PTX3: variants seen among roughly 807,000 people sequenced by gnomAD.
PTX3 encodes the protein pentraxin-related protein PTX3.
A neutral mutation model predicts 23.5 loss-of-function variants in PTX3; 24 were observed. The observed-to-expected ratio is 1.02, with a 90% CI of 0.74 to 1.43. The LOEUF (loss-of-function observed/expected upper bound fraction) is 1.43. PTX3 is among the 40% of genes most tolerant of loss of function. The probability of loss-of-function intolerance (pLI) is 0.00; values close to 1 mark genes in which losing one functional copy is unlikely to be tolerated. For synonymous variants in PTX3, 218 were observed against 205.4 expected (o/e 1.06, Z -0.53); for missense variants, 510 against 497.5 (o/e 1.02, Z -0.24).
rs1733756769 is a variant in PTX3 at position 157,437,847 on chromosome 3, GCTGCGGCAGACGCGAGCCGAC to G, written c.470_490del (p.Arg157_Leu163del). The G allele has an allele frequency of 6.7e-7, 1 of 1,497,400 alleles. No individual in the cohort carries two copies. The highest frequency in any genetic ancestry group is 2.7e-5 in the East Asian group (1 of 36,614). The allele number at this position is 1,497,400 out of a possible 1,614,324, so 92.8% of individuals were successfully genotyped here. On this transcript the variant is annotated inframe_deletion, in exon 2 of 3. Transcript: ENST00000295927. ...GCGCCCTGGCCGCGGTGCTAGAGGA[GCTGCGGCAGACGCGAGCCGAC>G]CTGCACGCGGTGCAGGGCTGGGCTG...
intron 2 of PTX3, among the ~76,000 whole-genome samples, chr3:157,440,653 T>C (rs1362715008): frequency 6.6e-6 from 1 of 152,098 alleles, no homozygotes; most frequent in Non-Finnish European, 1.5e-5. Flanking sequence ...TATCCATATG[T>C]ATATATGTGT....
intron 2 of PTX3, 63 bp downstream of exon 2, chr3:157,437,977 G>C: frequency 6.7e-7 from 1 of 1,498,898 alleles, no homozygotes; most frequent in Non-Finnish European, 8.8e-7. Flanking sequence ...GCGCGTAACG[G>C]CAAGCCAAGC....
intron 2 of PTX3, 145 bp downstream of exon 2, chr3:157,438,059 A>ACC: frequency 1.3e-6 from 1 of 748,642 alleles, no homozygotes; most frequent in Non-Finnish European, 2.1e-6. Flanking sequence ...ACACACACAC[A>ACC]CACACACACA....
intron 2 of PTX3, among the ~76,000 whole-genome samples, chr3:157,441,499 A>G (rs1734109590): frequency 6.6e-6 from 1 of 152,148 alleles, no homozygotes; most frequent in Admixed American, 6.5e-5. Context: ...ATATCTGAGA[A>G]CATTTGGTGT....
chr3:157,439,038 A>G, intron 2 of PTX3, among the ~76,000 whole-genome samples: 1 of 152,356 alleles, frequency 6.6e-6, no homozygotes, highest in East Asian at 1.9e-4. Context: ...CAGAAACCAT[A>G]TCATATTTCC....
chr3:157,437,986 G>A, intron 2 of PTX3, 72 bp downstream of exon 2: 1 of 1,491,584 alleles, frequency 6.7e-7, no homozygotes, highest in Non-Finnish European at 8.9e-7. Context: ...GGCAAGCCAA[G>A]CCAGGCAACC....
At position 157,442,585 on chromosome 3, in the gene PTX3, G is replaced by A. The variant is rs1485671058; in HGVS notation, c.752G>A (p.Gly251Glu). The change falls in exon 3 of 3, where the codon GGA becomes GAA. Residue 251 changes from glycine (G) to glutamate (E), a missense_variant. By Grantham distance (98) the Gly-to-Glu change is moderately conservative. Coordinates refer to ENST00000295927, the MANE Select transcript of PTX3 (RefSeq NM_002852.4). ...SYQSIVFVVG[G>E]EENKLVAEAM... ...CAATCCATAGTGTTTGTGGTGGGTG[G>A]AGAGGAGAACAAACTGGTTGCTGAA... 2.5e-6 allele frequency: 4 copies of A among 1,614,228 alleles called. No individual in the cohort carries two copies. The highest frequency in any genetic ancestry group is 2.2e-5 in the East Asian group (1 of 44,888).
At position 157,437,758 on chromosome 3, in the gene PTX3, G is replaced by T; in HGVS notation, c.376G>T (p.Asp126Tyr). Residue 126 changes from aspartate (D) to tyrosine (Y), a missense_variant, in exon 2 of 3, where the codon GAC (aspartate) becomes TAC (tyrosine). Asp to Tyr is a radical substitution (Grantham distance 160). Transcript: ENST00000295927. ...GGACGAGCTGCTGCAGGCGACCCGC[G>T]ACGCGGGCCGCAGGCTGGCGCGTAT... Reference protein sequence around the residue: ...ALDELLQATRDAGRRLARMEG... With the variant: ...ALDELLQATRYAGRRLARMEG... 1.3e-6 allele frequency: 2 copies of T among 1,488,608 alleles called. No individual in the cohort carries two copies. Among genetic ancestry groups the T allele is most frequent in the South Asian group, 1.3e-5 (1 of 78,396 alleles). The allele number at this position is 1,488,608 out of a possible 1,614,324, so 92.2% of individuals were successfully genotyped here.
Position 157,442,885 on chromosome 3 carries a change from C to A in PTX3, c.1052C>A (p.Thr351Asn), listed in dbSNP as rs1353447790. 2 of 1,614,096 alleles carry A rather than the reference C, an allele frequency of 1.2e-6. No individual in the cohort carries two copies. The highest frequency in any genetic ancestry group is 1.7e-5 in the Admixed American group (1 of 60,014). ...CTTAGCAATGAAGAGATAAGAGAGA[C>A]CGGAGGAGCAGAGTCTTGTCACATC... Reference protein sequence around the residue: ...SVLSNEEIRETGGAESCHIRG... With the variant: ...SVLSNEEIRENGGAESCHIRG... The change falls in exon 3 of 3, where the codon ACC (threonine) becomes AAC (asparagine). Residue 351 changes from threonine to asparagine, a missense_variant. Thr to Asn is a moderately conservative substitution (Grantham distance 65). Coordinates refer to ENST00000295927, the MANE Select transcript of PTX3 (RefSeq NM_002852.4).
chr3:157,437,649 G>A lies in PTX3; in HGVS notation c.267G>A (p.Arg89=). Residue 89 remains arginine, a synonymous_variant, in exon 2 of 3, where the codon CGG becomes CGA. Coordinates refer to ENST00000295927, the MANE Select transcript of PTX3 (RefSeq NM_002852.4). ...TGCGGGGCGAGCTGCAGAGGCTGCG[G>A]GAGGAGCTGGGCCGGCTCGCGGAAA... The part of the protein sequence containing the change: ...DVLRGELQRL[R]EELGRLAESL... 1 of 1,546,608 alleles carries A rather than the reference G, an allele frequency of 6.5e-7. No individual in the cohort carries two copies. Among genetic ancestry groups the A allele is most frequent in the Non-Finnish European group, 8.7e-7 (1 of 1,148,566 alleles).
Position 157,437,927 on chromosome 3 carries a change from G to A in PTX3, c.532+13G>A, listed in dbSNP as rs1233785727. ...TGGCTGCCGGCAGGTAAGGAGGCAAGCGGGGCCGGGACCTCCCACTGCGGC... is the reference window on the plus strand; with the variant it reads ...TGGCTGCCGGCAGGTAAGGAGGCAAACGGGGCCGGGACCTCCCACTGCGGC... On this transcript the variant is annotated intron_variant, in intron 2 of 2. Coordinates refer to ENST00000295927, the MANE Select transcript of PTX3 (RefSeq NM_002852.4). 6.5e-7 allele frequency: 1 copy of A among 1,528,558 alleles called. No individual in the cohort carries two copies. Among genetic ancestry groups the A allele is most frequent in the Admixed American group, 2.0e-5 (1 of 50,282 alleles). The allele number at this position is 1,528,558 out of a possible 1,614,324, so 94.7% of individuals were successfully genotyped here. A position where few individuals can be genotyped will look rare whatever the true frequency, so the allele number is the denominator to read the frequency against.
chr3:157,437,518 C>A lies in PTX3; in HGVS notation c.136C>A (p.Pro46Thr). ...NGLHPTEDPT[P>T]CACGQEHSEW... is the part of the protein sequence containing the mutation. Reference sequence around the variant, plus strand: ...GTGTGTATCCCGTACTCTAGCCACGCCGTGCGCCTGCGGTCAGGAGCACTC... The same window carrying A: ...GTGTGTATCCCGTACTCTAGCCACGACGTGCGCCTGCGGTCAGGAGCACTC... The change falls in exon 2 of 3, where the codon CCG becomes ACG. Residue 46 changes from proline (P) to threonine (T), a missense_variant. Transcript: ENST00000295927. The A allele has an allele frequency of 6.2e-7, 1 of 1,605,124 alleles. No individual in the cohort carries two copies. The highest frequency in any genetic ancestry group is 8.5e-7 in the Non-Finnish European group (1 of 1,177,264).
At position 157,437,770 on chromosome 3, in the gene PTX3, A is replaced by G; in HGVS notation, c.388A>G (p.Arg130Gly). The G allele has an allele frequency of 1.3e-6, 2 of 1,484,054 alleles. No homozygotes were observed. The highest frequency in any genetic ancestry group is 2.8e-5 in the East Asian group (1 of 36,202). 91.9% of individuals were successfully genotyped at this position (1,484,054 alleles called of 1,614,324 possible). ...GCAGGCGACCCGCGACGCGGGCCGCAGGCTGGCGCGTATGGAGGGCGCGGA... is the reference window on the plus strand; with the variant it reads ...GCAGGCGACCCGCGACGCGGGCCGCGGGCTGGCGCGTATGGAGGGCGCGGA... ...LLQATRDAGRRLARMEGAEAQ... is the reference protein window; with the variant it reads ...LLQATRDAGRGLARMEGAEAQ... Residue 130 changes from arginine (R) to glycine (G), a missense_variant, in exon 2 of 3, where the codon AGG becomes GGG. Arg to Gly is a moderately radical substitution (Grantham distance 125). Coordinates refer to ENST00000295927, the MANE Select transcript of PTX3 (RefSeq NM_002852.4).
In PTX3 at chr3:157,442,483, A is replaced by G; in HGVS notation, c.650A>G (p.Asp217Gly). 1 of 1,614,212 alleles carries G rather than the reference A, an allele frequency of 6.2e-7. No individual in the cohort carries two copies. Among genetic ancestry groups the G allele is most frequent in the Non-Finnish European group, 8.5e-7 (1 of 1,180,042 alleles). The change falls in exon 3 of 3, where the codon GAT (aspartate) becomes GGT (glycine). Residue 217 changes from aspartate to glycine, a missense_variant. Asp to Gly is a moderately conservative substitution (Grantham distance 94). Transcript: ENST00000295927. The stretch of plus-strand genomic sequence containing the variant: ...GCCTGCATTTGGGTCAAAGCCACAG[A>G]TGTATTAAACAAAACCATCCTGTTT... ...FSACIWVKAT[D>G]VLNKTILFSY...
At chr3:157,438,701 C>G (rs1733877074) in intron 2 of PTX3, among the ~76,000 whole-genome samples, 1 of 152,158 alleles carries the variant, frequency 6.6e-6, no homozygotes, top group Admixed American at 6.5e-5. Flanking sequence ...CTCAAAGTCC[C>G]ATGTGACACT....
In PTX3 at chr3:157,442,665, G is replaced by A; in HGVS notation, c.832G>A (p.Glu278Lys). 6.2e-7 allele frequency: 1 copy of A among 1,614,236 alleles called. No homozygotes were observed. The change falls in exon 3 of 3, where the codon GAA becomes AAA. Residue 278 changes from glutamate (E) to lysine (K), a missense_variant. Physicochemically the swap from Glu to Lys is moderately conservative, Grantham distance 56 (BLOSUM62 1). Coordinates refer to ENST00000295927, the MANE Select transcript of PTX3 (RefSeq NM_002852.4). ...CCTGTGCGGCACCTGGAATTCAGAG[G>A]AAGGGCTCACATCCTTGTGGGTAAA... ...THLCGTWNSE[E>K]GLTSLWVNGE...
intron 2 of PTX3, among the ~76,000 whole-genome samples, chr3:157,440,223 ATTAT>A (rs1301480868): frequency 6.6e-6 from 1 of 152,234 alleles, no homozygotes; most frequent in Admixed American, 6.5e-5. Context: ...AAAAGTTCAA[ATTAT>A]TTAGTGAAAA....
At chr3:157,438,765 T>C (rs1733884737) in intron 2 of PTX3, among the ~76,000 whole-genome samples, 1 of 152,130 alleles carries the variant, frequency 6.6e-6, no homozygotes, top group Non-Finnish European at 1.5e-5. Flanking sequence ...CTAAAGATGG[T>C]TAAAAGAAAG....
At chr3:157,441,262 C>T (rs1334751646) in intron 2 of PTX3, among the ~76,000 whole-genome samples, 1 of 152,148 alleles carries the variant, frequency 6.6e-6, no homozygotes, top group African/African-American at 2.4e-5. Context: ...AGTTTTACTG[C>T]TTATCAGCTA....
Sources: allele counts gnomAD v4.1 joint callset (sites outside exome capture counted in the v4.1 genomes callset), GRCh38; gene constraint gnomAD v4.1.1; transcripts MANE v1.5; gene names NCBI Gene and HGNC (gene_info 2026-07-23, HGNC 2026-07-21).